The following DLL4 variants were observed in gnomAD, a reference collection of about 807,000 sequenced individuals.
The protein encoded by DLL4 is delta-like protein 4.
A neutral mutation model predicts 73.6 loss-of-function variants in DLL4; 7 were observed. The ratio of observed to expected loss-of-function variants is 0.10; its 90% CI spans 0.05 to 0.18. The LOEUF is 0.18. Among genes scored for constraint, DLL4 ranks in the 10% least tolerant of loss-of-function variants. The pLI is 1.00. For synonymous variants in DLL4, 345 were observed against 374.3 expected, an observed-to-expected ratio of 0.92 and a Z score of 0.90; for missense variants, 614 against 929.9, an observed-to-expected ratio of 0.66 and a Z score of 4.42.
chr15:40,934,895 C>A lies in DLL4; in HGVS notation c.1021-3C>A. 6.2e-7 allele frequency: 1 copy of A among 1,613,364 alleles called. No individual in the cohort carries two copies. The highest frequency in any genetic ancestry group is 8.5e-7 in the Non-Finnish European group (1 of 1,179,740). ...CTTTGGCCCCTTTATGGTCTCTCTC[C>A]AGGACCAGGAGGATGGCTACCACTG... is the stretch of plus-strand genomic sequence containing the variant. On this transcript the variant is annotated splice_region_variant and splice_polypyrimidine_tract_variant and intron_variant, in intron 7 of 10. Transcript: ENST00000249749.
At position 40,929,544 on chromosome 15, in the gene DLL4, G is replaced by C; in HGVS notation, c.-125G>C. ...CGGAGCCAGCGAGAAGGCCAAAGGG[G>C]AGCAGCGTCCCGAGAGGAGCGCCTC... is the stretch of plus-strand genomic sequence containing the variant. On this transcript the variant is annotated 5_prime_UTR_variant, in exon 1 of 11. Coordinates refer to ENST00000249749, the MANE Select transcript of DLL4 (RefSeq NM_019074.4). This position sits in a 1 kb window ranked among gnomAD's most constrained non-coding sequence, Gnocchi z 7.1. The C allele has an allele frequency of 1.1e-6, 1 of 898,138 alleles. No homozygotes were observed. Among genetic ancestry groups the C allele is most frequent in the Non-Finnish European group, 1.6e-6 (1 of 611,910 alleles). 55.6% of individuals were successfully genotyped at this position (898,138 alleles called of 1,614,324 possible).
Position 40,937,469 on chromosome 15 carries a change from G to A in DLL4, c.1995G>A (p.Met665Ile), listed in dbSNP as rs760495875. 6.2e-7 allele frequency: 1 copy of A among 1,613,926 alleles called. No homozygotes were observed. The highest frequency in any genetic ancestry group is 1.1e-5 in the South Asian group (1 of 91,088). Residue 665 changes from methionine to isoleucine, a missense_variant, in exon 10 of 11, where the codon ATG becomes ATA. Met to Ile is a conservative substitution (Grantham distance 10). Transcript: ENST00000249749. ...CGATATGCTCCCCCAGGGACTCCAT[G>A]TACCAGTCTGTGTGTTTGATATCAG... The part of the protein sequence containing the change: ...ISAICSPRDS[M>I]YQSVCLISEE...
Position 40,937,890 on chromosome 15 carries a change from C to G in DLL4, c.2053-139C>G, listed in dbSNP as rs531003532. The G allele has an allele frequency of 3.0e-4, 301 of 993,454 alleles. No homozygotes were observed. In the African/African-American group the frequency reaches 4.5e-3, roughly 15 times the overall value. The allele number at this position is 993,454 out of a possible 1,614,324, so 61.5% of individuals were successfully genotyped here. Reference sequence around the variant, plus strand: ...TCCCAGGCCCGTGTGTGTGTTGGGCCGAAGACTGGGGAGGACTGCCCCACC... The same window carrying G: ...TCCCAGGCCCGTGTGTGTGTTGGGCGGAAGACTGGGGAGGACTGCCCCACC... On this transcript the variant is annotated intron_variant, in intron 10 of 10. Transcript: ENST00000249749.
At position 40,937,493 on chromosome 15, in the gene DLL4, A is replaced by G; in HGVS notation, c.2019A>G (p.Ser673=). ...TGTACCAGTCTGTGTGTTTGATATC[A>G]GAGGAGAGGAATGAATGTGTCATTG... The part of the protein sequence containing the change: ...DSMYQSVCLI[S]EERNECVIAT... Residue 673 remains serine (S), a synonymous_variant, in exon 10 of 11, where the codon TCA becomes TCG. Coordinates refer to ENST00000249749, the MANE Select transcript of DLL4 (RefSeq NM_019074.4). 6.2e-7 allele frequency: 1 copy of G among 1,613,544 alleles called. No homozygotes were observed. The highest frequency in any genetic ancestry group is 1.3e-5 in the African/African-American group (1 of 75,044).
intron 6 of DLL4, among the ~76,000 whole-genome samples, 174 bp downstream of exon 6, chr15:40,932,621 C>T (rs1390979592): frequency 2.6e-5 from 4 of 152,188 alleles, no homozygotes; most frequent in Admixed American, 1.3e-4. Context: ...CAGAATGAGG[C>T]GGTGGGTCCT....
In DLL4 at chr15:40,931,581, A is replaced by G. The variant is rs773663320; in HGVS notation, c.473A>G (p.Asp158Gly). ...SLAVGQNWLLDEQTSTLTRLR... is the reference protein window; with the variant it reads ...SLAVGQNWLLGEQTSTLTRLR... ...GCTGTGGGTCAGAACTGGTTATTGGATGAGCAAACCAGCACCCTCACAAGG... is the reference window on the plus strand; with the variant it reads ...GCTGTGGGTCAGAACTGGTTATTGGGTGAGCAAACCAGCACCCTCACAAGG... Residue 158 changes from aspartate to glycine, a missense_variant, in exon 4 of 11, where the codon GAT becomes GGT. By Grantham distance (94) the Asp-to-Gly change is moderately conservative. Around this residue, in one of 3 missense-constraint regions of DLL4, gnomAD observed 227 missense variants for 370.8 expected, o/e 0.61. Coordinates refer to ENST00000249749, the MANE Select transcript of DLL4 (RefSeq NM_019074.4). 2 of 1,612,380 alleles carry G rather than the reference A, an allele frequency of 1.2e-6. No individual in the cohort carries two copies. The highest frequency in any genetic ancestry group is 8.5e-7 in the Non-Finnish European group (1 of 1,179,262).
At position 40,937,399 on chromosome 15, in the gene DLL4, CT is replaced by C; in HGVS notation, c.1944-18del. 6.4e-7 allele frequency: 1 copy of C among 1,570,332 alleles called. No individual in the cohort carries two copies. The highest frequency in any genetic ancestry group is 8.8e-7 in the Non-Finnish European group (1 of 1,140,084). On this transcript the variant is annotated intron_variant, in intron 9 of 10. Transcript: ENST00000249749. Reference sequence around the variant, plus strand: ...CTCTCCCCGTCCCTCCCTTACACGCCTGTCTTGTGTTCCCTCAGTGAAAAGC... The same window carrying C: ...CTCTCCCCGTCCCTCCCTTACACGCCGTCTTGTGTTCCCTCAGTGAAAAGC...
intron 6 of DLL4, among the ~76,000 whole-genome samples, chr15:40,932,942 G>A (rs574704277): frequency 1.3e-5 from 2 of 152,310 alleles, no homozygotes; most frequent in East Asian, 3.9e-4. Context: ...TTCGGTGTGG[G>A]CACAAACGGC....
At chr15:40,933,378 G>A (rs988375329) in intron 6 of DLL4, among the ~76,000 whole-genome samples, 10 of 151,162 alleles carry the variant, frequency 6.6e-5, no homozygotes, top group Non-Finnish European at 1.2e-4. Flanking sequence ...CACCATATTT[G>A]CTCCCAGGTG....
intron 6 of DLL4, among the ~76,000 whole-genome samples, chr15:40,933,917 T>C (rs375748152): frequency 2.1e-5 from 3 of 140,792 alleles, no homozygotes; most frequent in East Asian, 4.2e-4. Flanking sequence ...CCCCAGCTGC[T>C]GGGAAGGCTG....
rs1454522151 is a variant in DLL4 at position 40,930,059 on chromosome 15, C to G, written c.279C>G (p.Asp93Glu). 1 of 1,611,408 alleles carries G rather than the reference C, an allele frequency of 6.2e-7. No individual in the cohort carries two copies. The highest frequency in any genetic ancestry group is 1.7e-5 in the Admixed American group (1 of 59,766). The change falls in exon 2 of 11, where the codon GAC (aspartate) becomes GAG (glutamate). Residue 93 changes from aspartate (D) to glutamate (E), a missense_variant. This residue lies in a region of DLL4 where 227 missense variants were observed against 370.8 expected (regional missense o/e 0.61). Coordinates refer to ENST00000249749, the MANE Select transcript of DLL4 (RefSeq NM_019074.4). The surrounding 1 kb of genome is among the most constrained non-coding windows in gnomAD (Gnocchi z 5.7). ...GCACCAACTCCTTCGCTGTCCGGGACGACAGTAGCGGCGGGGGGCGCAACC... is the reference window on the plus strand; with the variant it reads ...GCACCAACTCCTTCGCTGTCCGGGAGGACAGTAGCGGCGGGGGGCGCAACC... ...VLGTNSFAVR[D>E]DSSGGGRNPL...
rs575746949 is a variant in DLL4, at chr15:40,938,507, C to G, written c.*473C>G. 1 of 154,616 alleles carries G rather than the reference C, an allele frequency of 6.5e-6. No individual in the cohort carries two copies. The highest frequency in any genetic ancestry group is 1.9e-4 in the East Asian group (1 of 5,260). The allele number at this position is 154,616 out of a possible 1,614,324, so 9.6% of individuals were successfully genotyped here. A position where few individuals can be genotyped will look rare whatever the true frequency, so the allele number is the denominator to read the frequency against. On this transcript the variant is annotated 3_prime_UTR_variant, in exon 11 of 11. Transcript: ENST00000249749. Reference sequence around the variant, plus strand: ...CAATGAGGGCAGGGCCTCCTGTGGGCTGGAAAACCACTGGGTGCGTCTCTT... The same window carrying G: ...CAATGAGGGCAGGGCCTCCTGTGGGGTGGAAAACCACTGGGTGCGTCTCTT...
In DLL4 at chr15:40,936,316, C is replaced by T. The variant is rs751697404; in HGVS notation, c.1329C>T (p.Asp443=). ...TGTYCELHVS[D]CARNPCAHGG... ...CCTACTGTGAACTCCACGTCAGCGA[C>T]TGTGCCCGTAACCCTTGCGCCCACG... Residue 443 remains aspartate (D), a synonymous_variant, in exon 9 of 11, where the codon GAC becomes GAT. Transcript: ENST00000249749. 9.9e-5 allele frequency: 159 copies of T among 1,609,502 alleles called. No homozygotes were observed. The highest frequency in any genetic ancestry group is 1.3e-4 in the Non-Finnish European group (152 of 1,178,396).
chr15:40,934,621 C>T lies in DLL4; in HGVS notation c.924C>T (p.Tyr308=). 6.2e-7 allele frequency: 1 copy of T among 1,613,956 alleles called. No individual in the cohort carries two copies. The highest frequency in any genetic ancestry group is 8.5e-7 in the Non-Finnish European group (1 of 1,179,884). Residue 308 remains tyrosine (Y), a synonymous_variant, in exon 7 of 11, where the codon TAC becomes TAT. Transcript: ENST00000249749. ...ATCSNSGQRS[Y]TCTCRPGYTG... ...GCTCCAACAGTGGGCAGCGAAGCTACACCTGCACCTGTCGCCCAGGCTACA... is the reference window on the plus strand; with the variant it reads ...GCTCCAACAGTGGGCAGCGAAGCTATACCTGCACCTGTCGCCCAGGCTACA...
At position 40,930,224 on chromosome 15, in the gene DLL4, A is replaced by G. The variant is rs1382019733; in HGVS notation, c.336+108A>G. The G allele has an allele frequency of 7.5e-7, 1 of 1,339,436 alleles. No individual in the cohort carries two copies. The highest frequency in any genetic ancestry group is 2.5e-5 in the East Asian group (1 of 39,368). 83.0% of individuals were successfully genotyped at this position (1,339,436 alleles called of 1,614,324 possible). A position where few individuals can be genotyped will look rare whatever the true frequency, so the allele number is the denominator to read the frequency against. ...CCTTGTACACACACCCCCACCCCCA[A>G]AAAGCCCAGGATGCATTCTTTCCTG... On this transcript the variant is annotated intron_variant, in intron 2 of 10. Transcript: ENST00000249749. This position sits in a 1 kb window ranked among gnomAD's most constrained non-coding sequence, Gnocchi z 5.7.
chr15:40,936,183 G>A, intron 8 of DLL4, 45 bp from the exon 9 acceptor site: 1 of 1,486,882 alleles, frequency 6.7e-7, no homozygotes, highest in Non-Finnish European at 8.9e-7. Context: ...CTGCCCCAGG[G>A]AGCTCCCAGG....
In DLL4 at chr15:40,938,262, G is replaced by A. The variant is rs1289039846; in HGVS notation, c.*228G>A. 3 of 436,228 alleles carry A rather than the reference G, an allele frequency of 6.9e-6. No homozygotes were observed. The highest frequency in any genetic ancestry group is 1.2e-5 in the Non-Finnish European group (3 of 249,410). The allele number at this position is 436,228 out of a possible 1,614,324, so 27.0% of individuals were successfully genotyped here. On this transcript the variant is annotated 3_prime_UTR_variant, in exon 11 of 11. Coordinates refer to ENST00000249749, the MANE Select transcript of DLL4 (RefSeq NM_019074.4). ...CAGATTGGCAGCTGCACCAACCAGA[G>A]GAACAGAAGAGAAGAGAGATGCCAC...
At chr15:40,935,427 G>A (rs1892828978) in intron 8 of DLL4, among the ~76,000 whole-genome samples, 1 of 152,262 alleles carries the variant, frequency 6.6e-6, no homozygotes, top group South Asian at 2.1e-4. Context: ...AGAGAGGGAT[G>A]TTGGAGGCTT....
chr15:40,931,809 C>A lies in DLL4; in HGVS notation c.658+43C>A, dbSNP rs751379271. ...CACCTGTGTGGAAGGGGAGGGTCCCCTGAGGAAACACAGTGGAGCTTCTTG... is the reference window on the plus strand; with the variant it reads ...CACCTGTGTGGAAGGGGAGGGTCCCATGAGGAAACACAGTGGAGCTTCTTG... On this transcript the variant is annotated intron_variant, in intron 4 of 10. Coordinates refer to ENST00000249749, the MANE Select transcript of DLL4 (RefSeq NM_019074.4). The A allele has an allele frequency of 8.1e-6, 13 of 1,607,414 alleles. No homozygotes were observed. The South Asian group carries it at 1.3e-4, about 16-fold the overall frequency.
Sources: allele counts gnomAD v4.1 joint callset (sites outside exome capture counted in the v4.1 genomes callset), GRCh38; gene constraint gnomAD v4.1.1; regional missense constraint gnomAD v4.1.1; non-coding constraint Gnocchi (gnomAD v3.1); transcripts MANE v1.5; gene names NCBI Gene and HGNC (gene_info 2026-07-23, HGNC 2026-07-21).